The following DPP10 variants were observed in gnomAD, a reference collection of about 807,000 sequenced individuals.
The protein encoded by DPP10 is dipeptidyl peptidase like 10, also known as inactive dipeptidyl peptidase 10.
DPP10 carries 33 observed loss-of-function variants against 120.9 expected under a neutral mutation model. That is an observed-to-expected ratio of 0.27 (90% CI 0.21 to 0.37). DPP10 has a LOEUF of 0.37. Ranked by LOEUF, DPP10 falls within the 10% of genes least tolerant of loss-of-function variation. The pLI is 1.00. For missense variants in DPP10, 816 were observed against 942.8 expected, an observed-to-expected ratio of 0.87 and a Z score of 1.76; for synonymous variants, 337 against 326.1, an observed-to-expected ratio of 1.03 and a Z score of -0.36.
chr2:115,462,452 A>G lies in DPP10; in HGVS notation c.272-37058A>G, dbSNP rs144817496. ...AAGTTTAATCTTTTACTAATTTCCCATTTCCTAAAAGGTTAGAATCCAAAT... is the reference window on the plus strand; with the variant it reads ...AAGTTTAATCTTTTACTAATTTCCCGTTTCCTAAAAGGTTAGAATCCAAAT... On this transcript the variant is annotated intron_variant, in intron 3 of 25. Transcript: ENST00000410059. Among the ~76,000 whole-genome samples the G allele has an allele frequency of 7.4e-3, 1,124 of 152,164 alleles. 6 individuals are homozygous for G. Among genetic ancestry groups the G allele is most frequent in the African/African-American group, 0.025 (1,030 of 41,522 alleles).
intron 3 of DPP10, among the ~76,000 whole-genome samples, chr2:115,480,781 T>G (rs1019570809): frequency 2.6e-5 from 4 of 152,166 alleles, no homozygotes; most frequent in Non-Finnish European, 5.9e-5. Flanking sequence ...TCTCATATCA[T>G]GTTTTCTAAA....
At chr2:114,786,024 CCTT>C (rs1201966313) in intron 1 of DPP10, among the ~76,000 whole-genome samples, 13 of 152,152 alleles carry the variant, frequency 8.5e-5, no homozygotes, top group Admixed American at 6.5e-4. Context: ...CTATCTCTGG[CCTT>C]CTTATGCCAA....
chr2:115,842,185 A>T (rs746381930), intron 25 of DPP10, 26 bp from the exon 26 acceptor site: 1 of 1,553,218 alleles, frequency 6.4e-7, no homozygotes, highest in East Asian at 2.3e-5. Flanking sequence ...GATAATTTGA[A>T]ATCTTCTTTC....
intron 19 of DPP10, among the ~76,000 whole-genome samples, chr2:115,801,862 A>G (rs1170037816): frequency 6.6e-6 from 1 of 152,090 alleles, no homozygotes; most frequent in Non-Finnish European, 1.5e-5. Flanking sequence ...TTTTTGCATC[A>G]ATGTTCTTCA....
intron 1 of DPP10, among the ~76,000 whole-genome samples, chr2:114,458,121 G>T (rs1291249775): frequency 6.7e-6 from 1 of 150,178 alleles, no homozygotes; most frequent in East Asian, 1.9e-4. Context: ...TCTCTTTCCA[G>T]AACAGTCATC....
chr2:115,172,296 A>G (rs939986221), intron 1 of DPP10, among the ~76,000 whole-genome samples: 39 of 151,800 alleles, frequency 2.6e-4, no homozygotes, highest in African/African-American at 9.4e-4. Flanking sequence ...AGGCAGGAGA[A>G]TGGCTTGAAC....
rs78062946 is a variant in DPP10 at position 115,750,007 on chromosome 2, C to A, written c.951-3167C>A. 4.2e-3 allele frequency: 4,103 copies of A among 985,316 alleles called. 8 individuals carry two copies. Among genetic ancestry groups the A allele is most frequent in the South Asian group, 5.0e-3 (107 of 21,286 alleles). The allele number at this position is 985,316 out of a possible 1,614,324, so 61.0% of individuals were successfully genotyped here. ...TCTCTGTGGCTCAAGAGGACCAGAT[C>A]CTCGAGGACTTCCTGGGTAATCCAG... On this transcript the variant is annotated intron_variant, in intron 10 of 25. Transcript: ENST00000410059.
intron 5 of DPP10, among the ~76,000 whole-genome samples, chr2:115,590,896 A>T (rs2082619694): frequency 6.6e-6 from 1 of 152,028 alleles, no homozygotes; most frequent in Non-Finnish European, 1.5e-5. Context: ...TGTGGTTTTG[A>T]TTTGCATTTC....
chr2:115,275,706 T>C (rs7584532), intron 1 of DPP10, among the ~76,000 whole-genome samples: 7,395 of 147,170 alleles, frequency 0.05, 254 homozygotes, highest in Middle Eastern at 0.088. Flanking sequence ...CTTTTCTTTT[T>C]TTTTTTTTTT....
intron 1 of DPP10, among the ~76,000 whole-genome samples, chr2:114,992,795 C>T (rs1014094075): frequency 6.6e-6 from 1 of 152,130 alleles, no homozygotes; most frequent in Non-Finnish European, 1.5e-5. Context: ...GTTTTAAAAT[C>T]GATGACATCA....
intron 1 of DPP10, among the ~76,000 whole-genome samples, chr2:115,291,035 G>A (rs909682120): frequency 3.9e-5 from 6 of 151,980 alleles, no homozygotes; most frequent in East Asian, 1.9e-4. Flanking sequence ...GCAGGGTCTC[G>A]CTCTGTTGCC....
intron 17 of DPP10, among the ~76,000 whole-genome samples, chr2:115,787,306 A>C (rs1683452376): frequency 6.6e-6 from 1 of 152,204 alleles, no homozygotes; most frequent in Admixed American, 6.5e-5. Context: ...CTCAGAAATG[A>C]CAGAGATGAT....
intron 1 of DPP10, among the ~76,000 whole-genome samples, chr2:114,479,220 G>A (rs1177605616): frequency 3.3e-5 from 5 of 152,030 alleles, no homozygotes; most frequent in Non-Finnish European, 5.9e-5. Flanking sequence ...GTTTTGTTTT[G>A]TTTTTACACA....
chr2:115,635,239 G>T (rs2086229905), intron 5 of DPP10, among the ~76,000 whole-genome samples: 1 of 152,118 alleles, frequency 6.6e-6, no homozygotes, highest in Non-Finnish European at 1.5e-5. Context: ...CCCTCCCTCT[G>T]GGAACTCGGT....
At position 115,252,759 on chromosome 2, in the gene DPP10, C is replaced by T. The variant is rs552488690; in HGVS notation, c.61-56480C>T. 3.5e-4 allele frequency among the ~76,000 whole-genome samples: 54 copies of T among 152,292 alleles called. 1 individual carries two copies. The highest frequency in any genetic ancestry group is 2.6e-4 in the Non-Finnish European group (18 of 68,026). ...TAAAATTTGCTTAAATTCTTCAAAT[C>T]TCTGGTCTCAAACTAATTGATTTCT... is the stretch of plus-strand genomic sequence containing the variant. On this transcript the variant is annotated intron_variant, in intron 1 of 25. Coordinates refer to ENST00000410059, the MANE Select transcript of DPP10 (RefSeq NM_020868.6).
At chr2:115,358,466 T>C (rs1295103993) in intron 3 of DPP10, among the ~76,000 whole-genome samples, 4 of 152,158 alleles carry the variant, frequency 2.6e-5, no homozygotes, top group African/African-American at 7.2e-5. Flanking sequence ...AACAAATCTT[T>C]AGGGAGTTCC....
intron 5 of DPP10, among the ~76,000 whole-genome samples, chr2:115,605,107 G>C (rs1435125255): frequency 6.6e-6 from 1 of 152,070 alleles, no homozygotes; most frequent in African/African-American, 2.4e-5. Context: ...CTGCTCTATA[G>C]GACTAGGTCA....
intron 1 of DPP10, among the ~76,000 whole-genome samples, chr2:115,154,872 A>G (rs1054097677): frequency 2.0e-5 from 3 of 152,084 alleles, no homozygotes; most frequent in African/African-American, 7.2e-5. Context: ...TGGTGTAAAA[A>G]AATTGCGGTT....
intron 3 of DPP10, among the ~76,000 whole-genome samples, chr2:115,361,136 G>A (rs2064738200): frequency 6.6e-6 from 1 of 151,936 alleles, no homozygotes; most frequent in Admixed American, 6.6e-5. Flanking sequence ...TCCTAGATTG[G>A]TCTTCCAGAG....
Sources: gnomAD v4.1 joint callset for allele counts (sites outside exome capture counted in the v4.1 genomes callset) on GRCh38, gnomAD v4.1.1 for gene constraint, MANE v1.5 for transcripts, NCBI Gene and HGNC (gene_info 2026-07-23, HGNC 2026-07-21) for gene names.